Variants in CLCN2 observed in about 807,000 individuals in gnomAD.
The protein encoded by CLCN2 is chloride channel protein 2.
Under a neutral mutation model 108.3 loss-of-function variants are expected in CLCN2, and 72 were observed. That is an observed-to-expected ratio of 0.66 (90% CI 0.55 to 0.81). The LOEUF (loss-of-function observed/expected upper bound fraction) is 0.81, where lower values mean the gene tolerates loss of function less well. Ranked by LOEUF, CLCN2 falls within the 30% of genes least tolerant of loss-of-function variation. The pLI, the probability that CLCN2 is intolerant of heterozygous loss-of-function variation, is 0.00. For missense variants in CLCN2, 1,048 were observed against 1,205.2 expected (o/e 0.87, Z 1.93); for synonymous variants, 471 against 467.1 (o/e 1.01, Z -0.11).
At chr3:184,351,849 C>T (rs926979270) in intron 22 of CLCN2, among the ~76,000 whole-genome samples, 164 bp downstream of exon 22, 1 of 152,172 alleles carries the variant, frequency 6.6e-6, no homozygotes, top group Non-Finnish European at 1.5e-5. Context: ...CTGCTCCCAC[C>T]TCCCATCATC....
Position 184,352,352 on chromosome 3 carries a change from CT to C in CLCN2, c.2272-22del, listed in dbSNP as rs774024977. On this transcript the variant is annotated intron_variant, in intron 20 of 23. Coordinates refer to ENST00000265593, the MANE Select transcript of CLCN2 (RefSeq NM_004366.6). ...TCACTCTAGTAGAGAGGGAGGGAGG[CT>C]GGCAGCTAGGGGCTCTGGAGTTTAT... is the stretch of plus-strand genomic sequence containing the variant. The C allele has an allele frequency of 1.4e-5, 23 of 1,613,812 alleles. No homozygotes were observed. In the Admixed American group the frequency reaches 1.8e-4, roughly 13 times the overall value.
intron 17 of CLCN2, 46 bp downstream of exon 17, chr3:184,353,204 G>A: frequency 6.2e-7 from 1 of 1,612,782 alleles, no homozygotes. Context: ...CTCCCAATCA[G>A]TCTACACAAT....
chr3:184,350,565 A>G (rs1442246100), intron 22 of CLCN2, among the ~76,000 whole-genome samples: 1 of 152,020 alleles, frequency 6.6e-6, no homozygotes, highest in African/African-American at 2.4e-5. Flanking sequence ...CCTCCCATGT[A>G]GCTGGGATTA....
intron 22 of CLCN2, chr3:184,348,877 C>CT (rs2108556344): frequency 6.6e-6 from 1 of 152,366 alleles, no homozygotes; most frequent in South Asian, 2.1e-4. Context: ...CCATTACTGA[C>CT]TGTAGCCTCA....
intron 22 of CLCN2, among the ~76,000 whole-genome samples, chr3:184,350,997 C>G (rs1162599610): frequency 6.6e-6 from 1 of 151,416 alleles, no homozygotes; most frequent in Non-Finnish European, 1.5e-5. Flanking sequence ...GATAAAAGCC[C>G]TCTCAGGCCT....
In CLCN2 at chr3:184,357,636, GAAGCAGCAGCCCACCC is replaced by G; in HGVS notation, c.740_755del (p.Gly247AlafsTer90). Reference sequence around the variant, plus strand: ...CCTGCCTACCTCCAATAGGTGCCGCGAAGCAGCAGCCCACCCCCACGGCACAGGCGGCAGCCAGCAT... The same window carrying G: ...CCTGCCTACCTCCAATAGGTGCCGCGCCACGGCACAGGCGGCAGCCAGCAT... On this transcript the variant is annotated frameshift_variant, in exon 7 of 24. Transcript: ENST00000265593. LOFTEE classifies it high-confidence loss of function. The G allele has an allele frequency of 6.2e-7, 1 of 1,613,988 alleles. No homozygotes were observed. Among genetic ancestry groups the G allele is most frequent in the African/African-American group, 1.3e-5 (1 of 75,066 alleles).
At chr3:184,358,635 G>C in intron 3 of CLCN2, 47 bp downstream of exon 3, 1 of 1,551,512 alleles carries the variant, frequency 6.4e-7, no homozygotes, top group Non-Finnish European at 8.7e-7. Context: ...TGGCATGGAC[G>C]CAGGAGGTTT....
chr3:184,346,532 G>A lies in CLCN2; in HGVS notation c.*74C>T. ...TGTAGCTGCCTCCTGCCTTCCGAAG[G>A]CAGAAGGAATGAAAGATGCACATTC... On this transcript the variant is annotated 3_prime_UTR_variant, in exon 24 of 24. Coordinates refer to ENST00000265593, the MANE Select transcript of CLCN2 (RefSeq NM_004366.6). This position sits in a 1 kb window ranked among gnomAD's most constrained non-coding sequence, Gnocchi z 6.0. 6.4e-7 allele frequency: 1 copy of A among 1,558,824 alleles called. No homozygotes were observed. The highest frequency in any genetic ancestry group is 1.3e-5 in the African/African-American group (1 of 74,104).
At position 184,357,621 on chromosome 3, in the gene CLCN2, T is replaced by A. The variant is rs1436316944; in HGVS notation, c.771A>T (p.Gly257=). The change falls in exon 7 of 24, where the codon GGA becomes GGT. Residue 257 remains glycine, a splice_region_variant and synonymous_variant. Coordinates refer to ENST00000265593, the MANE Select transcript of CLCN2 (RefSeq NM_004366.6). ...GVGCCFAAPI[G]GVLFSIEVTS... ...GACTGACCTAGGAGCCCTGCCTACCTCCAATAGGTGCCGCGAAGCAGCAGC... is the reference window on the plus strand; with the variant it reads ...GACTGACCTAGGAGCCCTGCCTACCACCAATAGGTGCCGCGAAGCAGCAGC... 1 of 1,613,724 alleles carries A rather than the reference T, an allele frequency of 6.2e-7. No individual in the cohort carries two copies. The highest frequency in any genetic ancestry group is 1.3e-5 in the African/African-American group (1 of 74,884).
chr3:184,360,254 C>T (rs945185221), intron 1 of CLCN2, among the ~76,000 whole-genome samples: 1 of 151,448 alleles, frequency 6.6e-6, no homozygotes, highest in Non-Finnish European at 1.5e-5. Flanking sequence ...TGAAGGGGGG[C>T]GGGAGCAGGC....
At position 184,352,302 on chromosome 3, in the gene CLCN2, G is replaced by A. The variant is rs763225113; in HGVS notation, c.2301C>T (p.Ser767=). The part of the protein sequence containing the change: ...ASDADLEGEM[S]PEEILEWEEQ... The stretch of plus-strand genomic sequence containing the variant: ...TCCAGTGGCACCTTACCTCTTCAGG[G>A]CTCATCTCGCCTTCCAGGTCCGCGT... The change falls in exon 21 of 24, where the codon AGC becomes AGT. Residue 767 remains serine (S), a synonymous_variant. Transcript: ENST00000265593. 2 of 1,613,512 alleles carry A rather than the reference G, an allele frequency of 1.2e-6. No individual in the cohort carries two copies. Among genetic ancestry groups the A allele is most frequent in the East Asian group, 2.2e-5 (1 of 44,872 alleles).
In CLCN2 at chr3:184,353,375, A is replaced by C; in HGVS notation, c.1903T>G (p.Leu635Val). 1 of 1,612,942 alleles carries C rather than the reference A, an allele frequency of 6.2e-7. No individual in the cohort carries two copies. ...GCTGGGCTCAGCTGGGCCCCCAACA[A>C]TGCCACCACCTGTGAACGCTCGATG... Reference protein sequence around the residue: ...GSIERSQVVALLGAQLSPARR... With the variant: ...GSIERSQVVAVLGAQLSPARR... The change falls in exon 17 of 24, where the codon TTG (leucine) becomes GTG (valine). Residue 635 changes from leucine (L) to valine (V), a missense_variant. Physicochemically the swap from Leu to Val is conservative, Grantham distance 32 (BLOSUM62 1). Transcript: ENST00000265593.
In CLCN2 at chr3:184,346,689, C is replaced by T. The variant is rs1727694036; in HGVS notation, c.2614G>A (p.Val872Met). 1 of 1,614,034 alleles carries T rather than the reference C, an allele frequency of 6.2e-7. No individual in the cohort carries two copies. Among genetic ancestry groups the T allele is most frequent in the Non-Finnish European group, 8.5e-7 (1 of 1,180,046 alleles). The change falls in exon 24 of 24, where the codon GTG (valine) becomes ATG (methionine). Residue 872 changes from valine to methionine, a missense_variant. Coordinates refer to ENST00000265593, the MANE Select transcript of CLCN2 (RefSeq NM_004366.6). This position sits in a 1 kb window ranked among gnomAD's most constrained non-coding sequence, Gnocchi z 6.0. ...TSSSDTETTE[V>M]HALWGPHSRH... is the part of the protein sequence containing the mutation. The stretch of plus-strand genomic sequence containing the variant: ...GAGTGGGGCCCCCAGAGTGCATGCA[C>T]CTCAGTGGTCTCCGTGTCACTGCTG...
At position 184,352,810 on chromosome 3, in the gene CLCN2, C is replaced by T. The variant is rs137852681; in HGVS notation, c.2144G>A (p.Gly715Glu). The T allele has an allele frequency of 5.0e-6, 8 of 1,613,238 alleles. No homozygotes were observed. Among genetic ancestry groups the T allele is most frequent in the Non-Finnish European group, 6.8e-6 (8 of 1,179,976 alleles). ...VTRNLGESPT[G>E]SAESAGIALR... ...GGCGATGCCTGCCGACTCTGCGCTC[C>T]CTGTGTTCCCAAACATAAGGCCCCA... is the stretch of plus-strand genomic sequence containing the variant. The change falls in exon 19 of 24, where the codon GGG becomes GAG. Residue 715 changes from glycine to glutamate, a missense_variant and splice_region_variant. Gly to Glu is a moderately conservative substitution (Grantham distance 98). Coordinates refer to ENST00000265593, the MANE Select transcript of CLCN2 (RefSeq NM_004366.6).
At position 184,346,765 on chromosome 3, in the gene CLCN2, C is replaced by T; in HGVS notation, c.2538G>A (p.Gln846=). Residue 846 remains glutamine (Q), a synonymous_variant, in exon 24 of 24, where the codon CAG becomes CAA. Coordinates refer to ENST00000265593, the MANE Select transcript of CLCN2 (RefSeq NM_004366.6). This position sits in a 1 kb window ranked among gnomAD's most constrained non-coding sequence, Gnocchi z 6.0. ...CGAGGGGCGGCCGGACTTTCACACC[C>T]TGTGCTGTGACAGAGCCCTCGATGG... is the stretch of plus-strand genomic sequence containing the variant. The part of the protein sequence containing the change: ...RKAIEGSVTA[Q]GVKVRPPLAS... 4.3e-6 allele frequency: 7 copies of T among 1,614,150 alleles called. No individual in the cohort carries two copies. Among genetic ancestry groups the T allele is most frequent in the Non-Finnish European group, 5.9e-6 (7 of 1,180,042 alleles).
In CLCN2 at chr3:184,361,538, C is replaced by A; in HGVS notation, c.-59G>T. On this transcript the variant is annotated 5_prime_UTR_variant, in exon 1 of 24. Transcript: ENST00000265593. This position sits in a 1 kb window ranked among gnomAD's most constrained non-coding sequence, Gnocchi z 6.6. The stretch of plus-strand genomic sequence containing the variant: ...TTCCGGCTCTGTCCTGGACTCGGCT[C>A]CCGGCCCGCAAAGTCCGCGCCGGCA... The A allele has an allele frequency of 6.3e-7, 1 of 1,583,446 alleles. No individual in the cohort carries two copies. The highest frequency in any genetic ancestry group is 8.6e-7 in the Non-Finnish European group (1 of 1,165,020).
intron 3 of CLCN2, 63 bp downstream of exon 3, chr3:184,358,619 C>T (rs936380945): frequency 6.5e-5 from 101 of 1,542,704 alleles, no homozygotes; most frequent in Middle Eastern, 4.5e-4. Flanking sequence ...CATGTCTAGA[C>T]GAGTGTGGCA....
rs1306779144 is a variant in CLCN2, at chr3:184,358,066, AG to A, written c.510del (p.Leu171CysfsTer6). 6.2e-7 allele frequency: 1 copy of A among 1,614,128 alleles called. No homozygotes were observed. ...VGSGIPEMKT[I>X]LRGVVLKEYL... ...TATTCTTTCAGCACCACTCCCCGCA[AG>A]ATGGTCTTCATCTCAGGGATGCCAG... On this transcript the variant is annotated frameshift_variant, in exon 5 of 24. Transcript: ENST00000265593. LOFTEE classifies it high-confidence loss of function.
chr3:184,359,172 C>G, intron 1 of CLCN2, 41 bp from the exon 2 acceptor site: 1 of 1,612,450 alleles, frequency 6.2e-7, no homozygotes, highest in Admixed American at 1.7e-5. Flanking sequence ...AGGTCATGGG[C>G]TGAGTGGGAA....
Sources: gnomAD v4.1 joint callset for allele counts (sites outside exome capture counted in the v4.1 genomes callset) on GRCh38, gnomAD v4.1.1 for gene constraint, Gnocchi (gnomAD v3.1) non-coding constraint, MANE v1.5 for transcripts, NCBI Gene and HGNC (gene_info 2026-07-23, HGNC 2026-07-21) for gene names.